The following CNTN5 variants were observed in gnomAD, a reference collection of about 807,000 sequenced individuals.
The protein encoded by CNTN5 is contactin 5, also known as contactin-5.
CNTN5 carries 77 observed loss-of-function variants against 129.1 expected under a neutral mutation model. The ratio of observed to expected loss-of-function variants is 0.60; its 90% CI spans 0.50 to 0.72. The LOEUF is 0.72. Among genes scored for constraint, CNTN5 ranks in the 30% least tolerant of loss-of-function variants. The probability of loss-of-function intolerance (pLI) is 0.00; values close to 1 mark genes in which losing one functional copy is unlikely to be tolerated. For synonymous variants in CNTN5, 509 were observed against 465.6 expected, an observed-to-expected ratio of 1.09 and a Z score of -1.20; for missense variants, 1,478 against 1,328.8, an observed-to-expected ratio of 1.11 and a Z score of -1.75.
intron 3 of CNTN5, among the ~76,000 whole-genome samples, chr11:99,788,357 G>A (rs1255339398): frequency 1.3e-5 from 2 of 151,730 alleles, no homozygotes; most frequent in Non-Finnish European, 1.5e-5. Context: ...AAACTGTCTT[G>A]GGCAATAAAA....
intron 16 of CNTN5, among the ~76,000 whole-genome samples, chr11:100,251,902 T>C (rs1473152477): frequency 6.6e-6 from 1 of 152,156 alleles, no homozygotes; most frequent in African/African-American, 2.4e-5. Flanking sequence ...GTCTCTGATA[T>C]ACTGACTTCC....
chr11:99,572,284 A>T (rs1452326609), intron 3 of CNTN5, among the ~76,000 whole-genome samples: 1 of 152,226 alleles, frequency 6.6e-6, no homozygotes. Flanking sequence ...AACAAAAACA[A>T]AACAAAACAA....
At chr11:99,331,629 C>A (rs1005713796) in intron 2 of CNTN5, among the ~76,000 whole-genome samples, 1 of 152,256 alleles carries the variant, frequency 6.6e-6, no homozygotes, top group East Asian at 1.9e-4. Context: ...ATTTAGCAAT[C>A]ATTACTTTTA....
chr11:100,285,644 CT>C (rs1362919278), intron 18 of CNTN5, among the ~76,000 whole-genome samples: 8 of 152,194 alleles, frequency 5.3e-5, no homozygotes, highest in Admixed American at 1.3e-4. Context: ...AATGTCTTTG[CT>C]TTCTAGTTAT....
chr11:99,408,446 A>AAGAGAAAGAAAGAAAGAAAG (rs1942208542), intron 2 of CNTN5, among the ~76,000 whole-genome samples: 1 of 18,652 alleles, frequency 5.4e-5, no homozygotes, highest in African/African-American at 1.8e-4. Flanking sequence ...GAAAGAAAGA[A>AAGAGAAAGAAAGAAAGAAAG]AGAGAAAGAA....
At chr11:99,675,963 C>CTATAGATA (rs1163456198) in intron 3 of CNTN5, among the ~76,000 whole-genome samples, 3 of 151,932 alleles carry the variant, frequency 2.0e-5, no homozygotes, top group Non-Finnish European at 4.4e-5. Context: ...ACAAAATTCT[C>CTATAGATA]TATAGATATT....
chr11:100,078,917 T>C (rs1367549439), intron 13 of CNTN5, among the ~76,000 whole-genome samples: 1 of 152,058 alleles, frequency 6.6e-6, no homozygotes, highest in Admixed American at 6.6e-5. Flanking sequence ...AGGAAAGAGG[T>C]TTGATTGACT....
intron 1 of CNTN5, among the ~76,000 whole-genome samples, chr11:99,308,401 G>A (rs61442648): frequency 0.014 from 2,168 of 152,234 alleles, 32 homozygotes; most frequent in African/African-American, 0.027. Context: ...TATGGATGTA[G>A]TACCATATTG....
chr11:99,958,201 C>T (rs1292838602), intron 8 of CNTN5, among the ~76,000 whole-genome samples: 1 of 152,060 alleles, frequency 6.6e-6, no homozygotes, highest in African/African-American at 2.4e-5. Flanking sequence ...AACTAATCCG[C>T]CAAGAGGCGA....
intron 1 of CNTN5, among the ~76,000 whole-genome samples, chr11:99,149,829 T>C (rs1346173540): frequency 2.0e-5 from 3 of 152,118 alleles, no homozygotes; most frequent in Non-Finnish European, 4.4e-5. Context: ...TGAGGTTGTC[T>C]TTTACATAAG....
intron 18 of CNTN5, among the ~76,000 whole-genome samples, chr11:100,278,292 T>C (rs111807173): frequency 0.016 from 2,468 of 152,112 alleles, 72 homozygotes; most frequent in African/African-American, 0.057. Flanking sequence ...TTGGCTATTC[T>C]AGCTCTTTTG....
chr11:99,732,620 C>A (rs566952253), intron 3 of CNTN5, among the ~76,000 whole-genome samples: 2 of 152,176 alleles, frequency 1.3e-5, no homozygotes, highest in African/African-American at 2.4e-5. Flanking sequence ...GAAGGCCTGG[C>A]GGACTTGGCA....
chr11:99,427,265 A>G (rs1199030994), intron 2 of CNTN5, among the ~76,000 whole-genome samples: 2 of 152,252 alleles, frequency 1.3e-5, no homozygotes, highest in East Asian at 3.9e-4. Context: ...ACAGAATGTT[A>G]CATCAGAAGA....
chr11:99,526,052 G>C (rs1462703100), intron 2 of CNTN5, among the ~76,000 whole-genome samples: 2 of 152,096 alleles, frequency 1.3e-5, no homozygotes, highest in African/African-American at 4.8e-5. Flanking sequence ...ATGCAGTTTA[G>C]CTCATTGGAT....
chr11:100,276,351 C>A (rs1269900375), intron 18 of CNTN5, among the ~76,000 whole-genome samples: 2 of 151,864 alleles, frequency 1.3e-5, no homozygotes, highest in Non-Finnish European at 2.9e-5. Flanking sequence ...ACCAGCCTGG[C>A]CAACATGGCA....
chr11:99,280,308 G>A (rs1461015523), intron 1 of CNTN5, among the ~76,000 whole-genome samples: 1 of 151,768 alleles, frequency 6.6e-6, no homozygotes, highest in African/African-American at 2.4e-5. Flanking sequence ...AGCAATTGAT[G>A]AAAGCTATGA....
intron 13 of CNTN5, among the ~76,000 whole-genome samples, chr11:100,182,262 A>G (rs1261329638): frequency 6.6e-6 from 1 of 152,048 alleles, no homozygotes. Context: ...TTACATATTT[A>G]TATCTCATAG....
At chr11:99,064,818 C>G (rs1310744482) in intron 1 of CNTN5, among the ~76,000 whole-genome samples, 2 of 151,812 alleles carry the variant, frequency 1.3e-5, no homozygotes, top group Non-Finnish European at 2.9e-5. Flanking sequence ...TTGTAAAAAC[C>G]AGTACTTTGG....
At chr11:99,344,269 A>T (rs996538688) in intron 2 of CNTN5, among the ~76,000 whole-genome samples, 2 of 152,164 alleles carry the variant, frequency 1.3e-5, no homozygotes, top group African/African-American at 4.8e-5. Flanking sequence ...TTTACCAGAC[A>T]TATTTTGGAG....
Sources: allele counts gnomAD v4.1 joint callset (sites outside exome capture counted in the v4.1 genomes callset), GRCh38; gene constraint gnomAD v4.1.1; transcripts MANE v1.5; gene names NCBI Gene and HGNC (gene_info 2026-07-23, HGNC 2026-07-21).